The following DEPDC5 variants were observed in gnomAD, a reference collection of about 807,000 sequenced individuals.
DEPDC5 encodes GATOR1 complex protein DEPDC5.
In DEPDC5, 73 loss-of-function variants were observed where a neutral mutation model predicts 217.3. The observed-to-expected ratio is 0.34, with a 90% CI of 0.28 to 0.41. DEPDC5 has a LOEUF of 0.41. DEPDC5 is among the 10% of genes least tolerant of loss of function. The pLI, the probability that DEPDC5 is intolerant of heterozygous loss-of-function variation, is 1.00. For missense variants in DEPDC5, 1,675 were observed against 2,070.1 expected, an observed-to-expected ratio of 0.81 and a Z score of 3.70; for synonymous variants, 733 against 756.7, an observed-to-expected ratio of 0.97 and a Z score of 0.51.
intron 6 of DEPDC5, among the ~76,000 whole-genome samples, chr22:31,767,895 GC>G (rs1253158626): frequency 1.3e-5 from 2 of 151,346 alleles, no homozygotes; most frequent in Non-Finnish European, 2.9e-5. Context: ...ACAGGCGCCC[GC>G]CACCACACCC....
chr22:31,759,784 G>C (rs1351007101), intron 3 of DEPDC5, among the ~76,000 whole-genome samples: 2 of 148,404 alleles, frequency 1.3e-5, no homozygotes, highest in East Asian at 4.1e-4. Flanking sequence ...CTGGGTTCAA[G>C]TGACTCTTCT....
At chr22:31,844,918 A>G (rs2091634749) in intron 29 of DEPDC5, 100 bp from the exon 30 acceptor site, 1 of 1,186,686 alleles carries the variant, frequency 8.4e-7, no homozygotes, top group Non-Finnish European at 1.2e-6. Flanking sequence ...ACTCATGGGG[A>G]GATGGACCTT....
intron 40 of DEPDC5, among the ~76,000 whole-genome samples, chr22:31,899,804 A>G (rs1438179901): frequency 6.6e-6 from 1 of 152,082 alleles, no homozygotes; most frequent in Admixed American, 6.6e-5. Flanking sequence ...TGGCTGTGCA[A>G]TTACCACCCC....
Position 31,797,723 on chromosome 22 carries a change from G to A in DEPDC5, c.871+20G>A. On this transcript the variant is annotated intron_variant, in intron 13 of 42. Coordinates refer to ENST00000651528, the MANE Select transcript of DEPDC5 (RefSeq NM_001242896.3). ...AGGCAGGTACTGCATTCATGTAATAGATGGTGCGGCGGGGAAAGGAAGTGT... is the reference window on the plus strand; with the variant it reads ...AGGCAGGTACTGCATTCATGTAATAAATGGTGCGGCGGGGAAAGGAAGTGT... 1 of 1,587,752 alleles carries A rather than the reference G, an allele frequency of 6.3e-7. No individual in the cohort carries two copies. The highest frequency in any genetic ancestry group is 8.7e-7 in the Non-Finnish European group (1 of 1,155,982).
intron 10 of DEPDC5, among the ~76,000 whole-genome samples, chr22:31,786,310 C>T (rs867115136): frequency 6.7e-6 from 1 of 150,354 alleles, no homozygotes; most frequent in African/African-American, 2.5e-5. Context: ...TGTGGTGGCT[C>T]ATGGGAGGCG....
chr22:31,863,836 T>C lies in DEPDC5; in HGVS notation c.3330+2403T>C, dbSNP rs2092595985. Among the ~76,000 whole-genome samples, 8 of 151,518 alleles carry C rather than the reference T, an allele frequency of 5.3e-5. No homozygotes were observed. The South Asian group carries it at 1.7e-3, about 32-fold the overall frequency. On this transcript the variant is annotated intron_variant, in intron 33 of 42. Transcript: ENST00000651528. ...TACTTGAGAGGGTGAGGGAGGAGAA[T>C]TGCTTGAACCTAGGAAGCAGAGGTT... is the stretch of plus-strand genomic sequence containing the variant.
At chr22:31,857,397 C>G in intron 31 of DEPDC5, 48 bp from the exon 32 acceptor site, 1 of 1,505,012 alleles carries the variant, frequency 6.6e-7, no homozygotes, top group Admixed American at 2.0e-5. Context: ...GGATCCTTCA[C>G]CAGGGAGCTC....
chr22:31,861,365 C>T lies in DEPDC5; in HGVS notation c.3265-3C>T, dbSNP rs371377906. The T allele has an allele frequency of 6.9e-4, 1,068 of 1,551,580 alleles. No individual in the cohort carries two copies. Among genetic ancestry groups the T allele is most frequent in the Non-Finnish European group, 6.1e-4 (700 of 1,146,948 alleles). ...CTGCTGCTTCCTCCTCCTGTGACTTCAGGACGGGGCCTTCTTTATGGAGTT... is the reference window on the plus strand; with the variant it reads ...CTGCTGCTTCCTCCTCCTGTGACTTTAGGACGGGGCCTTCTTTATGGAGTT... On this transcript the variant is annotated splice_polypyrimidine_tract_variant and splice_region_variant and intron_variant, in intron 32 of 42. Transcript: ENST00000651528.
chr22:31,835,075 T>G (rs540240912), intron 25 of DEPDC5, among the ~76,000 whole-genome samples: 7 of 152,322 alleles, frequency 4.6e-5, no homozygotes, highest in Admixed American at 4.6e-4. Flanking sequence ...GGTGCTTCAC[T>G]TGAGCCCAGG....
At chr22:31,755,381 T>A in intron 2 of DEPDC5, 1 of 199,288 alleles carries the variant, frequency 5.0e-6, no homozygotes. Context: ...AGCATGAACC[T>A]TTGCCTGGCT....
chr22:31,764,034 A>G (rs911808904), intron 4 of DEPDC5, among the ~76,000 whole-genome samples: 3 of 151,806 alleles, frequency 2.0e-5, no homozygotes, highest in African/African-American at 7.3e-5. Flanking sequence ...GGTTCAAGCA[A>G]TTCTCCTGCC....
intron 40 of DEPDC5, among the ~76,000 whole-genome samples, chr22:31,899,247 A>G (rs2093606519): frequency 6.6e-6 from 1 of 152,216 alleles, no homozygotes; most frequent in African/African-American, 2.4e-5. Flanking sequence ...TCTAAAAATC[A>G]ATTTTCTTGC....
chr22:31,786,121 G>T (rs1247227963), intron 10 of DEPDC5, among the ~76,000 whole-genome samples: 1 of 151,940 alleles, frequency 6.6e-6, no homozygotes, highest in African/African-American at 2.4e-5. Flanking sequence ...GCCAGGCGTG[G>T]TGGTTGGTGC....
intron 11 of DEPDC5, among the ~76,000 whole-genome samples, 164 bp downstream of exon 11, chr22:31,792,266 A>G (rs1221248595): frequency 6.6e-6 from 1 of 152,048 alleles, no homozygotes; most frequent in African/African-American, 2.4e-5. Context: ...CCGTTAGTGG[A>G]TGCAAGAGGT....
intron 29 of DEPDC5, among the ~76,000 whole-genome samples, chr22:31,844,240 A>T (rs5998139): frequency 0.18 from 27,527 of 151,480 alleles, 2,649 homozygotes; most frequent in African/African-American, 0.22. Context: ...ATAAATAAAT[A>T]AAAAAAAATA....
chr22:31,781,793 A>G (rs147156286), intron 8 of DEPDC5, among the ~76,000 whole-genome samples: 3,817 of 152,276 alleles, frequency 0.025, 62 homozygotes, highest in African/African-American at 0.041. Flanking sequence ...CAGGACTTTG[A>G]GAGGCCGAGG....
intron 21 of DEPDC5, chr22:31,815,860 C>G: frequency 4.5e-6 from 5 of 1,113,110 alleles, no homozygotes; most frequent in Non-Finnish European, 5.5e-6. Flanking sequence ...TTTGTTTAGC[C>G]TTTCTTCATC....
intron 9 of DEPDC5, 158 bp from the exon 10 acceptor site, chr22:31,784,656 C>G: frequency 5.0e-5 from 26 of 524,946 alleles, no homozygotes; most frequent in Non-Finnish European, 5.7e-5. Context: ...AATACACCTT[C>G]TTTTTGGTCC....
intron 10 of DEPDC5, among the ~76,000 whole-genome samples, chr22:31,785,342 C>T (rs926069109): frequency 1.3e-5 from 2 of 152,122 alleles, no homozygotes; most frequent in East Asian, 1.9e-4. Context: ...CACACAAAAT[C>T]AATTGTATTT....
Sources: allele counts gnomAD v4.1 joint callset (sites outside exome capture counted in the v4.1 genomes callset), GRCh38; gene constraint gnomAD v4.1.1; transcripts MANE v1.5; gene names NCBI Gene and HGNC (gene_info 2026-07-23, HGNC 2026-07-21).